Variants in EIF2D observed in about 807,000 individuals in gnomAD.
EIF2D encodes eukaryotic translation initiation factor 2D, also known as hepatocellular carcinoma-associated antigen 56.
Under a neutral mutation model 77.4 loss-of-function variants are expected in EIF2D, and 56 were observed. That is an observed-to-expected ratio of 0.72 (90% confidence interval 0.58 to 0.90). The LOEUF is 0.90. Ranked by LOEUF, EIF2D falls within the 40% of genes least tolerant of loss-of-function variation. The pLI, the probability that EIF2D is intolerant of heterozygous loss-of-function variation, is 0.00. For missense variants in EIF2D, 574 were observed against 706.5 expected, an observed-to-expected ratio of 0.81 and a Z score of 2.13; for synonymous variants, 230 against 271.0, an observed-to-expected ratio of 0.85 and a Z score of 1.49.
At chr1:206,587,627 C>G (rs1298785541), downstream of EIF2D, 1 of 154,708 alleles carries the variant, frequency 6.5e-6, no homozygotes, top group East Asian at 1.9e-4. Flanking sequence ...CTGGCCCTGG[C>G]TCTGGCCCTG....
chr1:206,586,623 A>G, intron 2 of EIF2D: 1 of 563,630 alleles, frequency 1.8e-6, no homozygotes, highest in South Asian at 2.3e-5. Context: ...TGGTCATGAG[A>G]TGCCAGCATT....
At chr1:206,581,622 CAGAGAGAGAGGGG>C (rs1668880216) in intron 2 of EIF2D, among the ~76,000 whole-genome samples, 1 of 147,040 alleles carries the variant, frequency 6.8e-6, no homozygotes, top group Admixed American at 6.8e-5. Flanking sequence ...GAGAGAGAGA[CAGAGAGAGAGGGG>C]GGAGAGAGAG....
chr1:206,603,436 C>T (rs1670030099), intron 5 of EIF2D: 1 of 506,608 alleles, frequency 2.0e-6, no homozygotes, highest in Non-Finnish European at 3.5e-6. Context: ...AATCTTGTCT[C>T]CTCCCTATCC....
At position 206,599,354 on chromosome 1, in the gene EIF2D, C is replaced by A. The variant is rs1288247741; in HGVS notation, c.1202+109G>T. The A allele has an allele frequency of 9.2e-6, 13 of 1,415,236 alleles. No homozygotes were observed. Among genetic ancestry groups the A allele is most frequent in the African/African-American group, 2.9e-5 (2 of 70,016 alleles). 87.7% of individuals were successfully genotyped at this position (1,415,236 alleles called of 1,614,324 possible). ...AGCTGGATTTTGGAGAAGGGGAGAACAGGGGCAGAGCAGGTTTTGCCAGTC... is the reference window on the plus strand; with the variant it reads ...AGCTGGATTTTGGAGAAGGGGAGAAAAGGGGCAGAGCAGGTTTTGCCAGTC... On this transcript the variant is annotated intron_variant, in intron 10 of 14. Transcript: ENST00000271764. The surrounding 1 kb of genome is among the most constrained non-coding windows in gnomAD (Gnocchi z 4.1).
At chr1:206,598,451 A>G (rs977709599) in intron 11 of EIF2D, among the ~76,000 whole-genome samples, 2 of 152,214 alleles carry the variant, frequency 1.3e-5, no homozygotes, top group African/African-American at 4.8e-5. Flanking sequence ...GATAGAAGAA[A>G]TAAGTTTAGT....
Position 206,599,556 on chromosome 1 carries a change from C to A in EIF2D, c.1109G>T (p.Gly370Val), listed in dbSNP as rs1320219494. The A allele has an allele frequency of 2.5e-6, 4 of 1,610,216 alleles. No individual in the cohort carries two copies. Among genetic ancestry groups the A allele is most frequent in the Non-Finnish European group, 2.5e-6 (3 of 1,178,240 alleles). The change falls in exon 10 of 15, where the codon GGT becomes GTT. Residue 370 changes from glycine (G) to valine (V), a missense_variant. Transcript: ENST00000271764. The surrounding 1 kb of genome is among the most constrained non-coding windows in gnomAD (Gnocchi z 4.1). The stretch of plus-strand genomic sequence containing the variant: ...AGGGTGATAGGGCTGTTCCCTGCTA[C>A]CCTCCTGGATAGTCTGGGAGGTCGG... ...PSPTSQTIQE[G>V]SREQPYHPPD...
rs782445417 is a variant in EIF2D, at chr1:206,612,298, C to T, written c.45G>A (p.Lys15=). Residue 15 remains lysine, a synonymous_variant, in exon 1 of 15, where the codon AAG becomes AAA. Transcript: ENST00000271764. ...AFRVKSNTAI[K]GSDRRKLRAD... is the part of the protein sequence containing the mutation. Reference sequence around the variant, plus strand: ...CTTTCCTCCCTCACCTGTCCGACCCCTTGATGGCCGTGTTGGACTTGACCC... The same window carrying T: ...CTTTCCTCCCTCACCTGTCCGACCCTTTGATGGCCGTGTTGGACTTGACCC... 51 of 1,614,138 alleles carry T rather than the reference C, an allele frequency of 3.2e-5. No homozygotes were observed. The highest frequency in any genetic ancestry group is 3.9e-5 in the Non-Finnish European group (46 of 1,180,044).
chr1:206,593,920 C>T (rs1307005706), intron 13 of EIF2D, 127 bp from the exon 14 acceptor site: 3 of 765,522 alleles, frequency 3.9e-6, no homozygotes, highest in African/African-American at 3.5e-5. Context: ...TCCTATAACC[C>T]TAGTACTTTT....
In EIF2D at chr1:206,585,268, A is replaced by G; in HGVS notation, c.139-4106T>C. The G allele has an allele frequency of 1.9e-6, 3 of 1,614,048 alleles. No individual in the cohort carries two copies. The South Asian group carries it at 3.3e-5, about 18-fold the overall frequency. ...ACACGGAGGTCCTCAGCTTTGTGCT[A>G]AAGGAGAATGAAACTGGAGAGGTAG... On this transcript the variant is annotated intron_variant and NMD_transcript_variant, in intron 2 of 5. Coordinates refer to the EIF2D transcript ENST00000472709.
chr1:206,586,882 G>A (rs1553407767), downstream of EIF2D: 13 of 1,614,016 alleles, frequency 8.1e-6, no homozygotes, highest in Admixed American at 2.2e-4. Context: ...TGGAAAAAGA[G>A]GAGCAGGACA....
chr1:206,586,619 T>G, intron 2 of EIF2D: 2 of 553,898 alleles, frequency 3.6e-6, no homozygotes, highest in Non-Finnish European at 3.2e-6. Context: ...CTCTTGGTCA[T>G]GAGATGCCAG....
intron 4 of EIF2D, among the ~76,000 whole-genome samples, chr1:206,606,824 A>T (rs1670223333): frequency 6.6e-6 from 1 of 152,246 alleles, no homozygotes; most frequent in African/African-American, 2.4e-5. Flanking sequence ...TCACTAGGAT[A>T]ACACAAATGA....
Position 206,599,921 on chromosome 1 carries a change from C to A in EIF2D, c.949-85G>T. The A allele has an allele frequency of 7.4e-7, 1 of 1,344,182 alleles. No individual in the cohort carries two copies. The highest frequency in any genetic ancestry group is 1.0e-6 in the Non-Finnish European group (1 of 953,220). 83.3% of individuals were successfully genotyped at this position (1,344,182 alleles called of 1,614,324 possible). Reference sequence around the variant, plus strand: ...CCAGGATGTGCCAGAGTGAGCTAGGCAGGGACTGTGCAGGGATATGAGACA... The same window carrying A: ...CCAGGATGTGCCAGAGTGAGCTAGGAAGGGACTGTGCAGGGATATGAGACA... On this transcript the variant is annotated intron_variant, in intron 8 of 14. Coordinates refer to ENST00000271764, the MANE Select transcript of EIF2D (RefSeq NM_006893.3). This position sits in a 1 kb window ranked among gnomAD's most constrained non-coding sequence, Gnocchi z 4.1.
intron 11 of EIF2D, among the ~76,000 whole-genome samples, chr1:206,598,636 C>CCA (rs1245363155): frequency 0.35 from 40,934 of 116,526 alleles, 5,643 homozygotes; most frequent in African/African-American, 0.44. Context: ...TAACAAAATA[C>CCA]CATGCACCCC....
chr1:206,573,213 C>A (rs1668512351), intron 4 of EIF2D, among the ~76,000 whole-genome samples: 1 of 152,202 alleles, frequency 6.6e-6, no homozygotes, highest in Non-Finnish European at 1.5e-5. Flanking sequence ...GTAATCCCAG[C>A]ACTTTTGGAG....
At chr1:206,610,976 T>C (rs1056688290) in intron 2 of EIF2D, among the ~76,000 whole-genome samples, 23 of 152,224 alleles carry the variant, frequency 1.5e-4, no homozygotes, top group African/African-American at 4.6e-4. Flanking sequence ...ATCCCTCCTA[T>C]AGTGGTTTTG....
At chr1:206,596,157 C>T (rs1350074171) in intron 12 of EIF2D, among the ~76,000 whole-genome samples, 2 of 152,206 alleles carry the variant, frequency 1.3e-5, no homozygotes, top group African/African-American at 4.8e-5. Context: ...GCCCAGTCTG[C>T]CCTGTGGAGG....
At position 206,602,430 on chromosome 1, in the gene EIF2D, G is replaced by T. The variant is rs781832835; in HGVS notation, c.808C>A (p.Gln270Lys). The T allele has an allele frequency of 6.2e-7, 1 of 1,614,074 alleles. No homozygotes were observed. The highest frequency in any genetic ancestry group is 8.5e-7 in the Non-Finnish European group (1 of 1,180,008). Residue 270 changes from glutamine to lysine, a missense_variant, in exon 7 of 15, where the codon CAA (glutamine) becomes AAA (lysine). Coordinates refer to ENST00000271764, the MANE Select transcript of EIF2D (RefSeq NM_006893.3). ...CACTTCAAGGCATGTAAGAAGCATTGCTGTAACAGCTCATCCATTTGTTCT... is the reference window on the plus strand; with the variant it reads ...CACTTCAAGGCATGTAAGAAGCATTTCTGTAACAGCTCATCCATTTGTTCT... ...LQEQMDELLQ[Q>K]CFLHALKCRV...
At chr1:206,611,114 AAACAG>A (rs1416672738) in intron 2 of EIF2D, 65 bp downstream of exon 2, 1 of 1,423,328 alleles carries the variant, frequency 7.0e-7, no homozygotes, top group Non-Finnish European at 9.6e-7. Flanking sequence ...ACAATGGAAG[AAACAG>A]AGAGAAGCAG....
Sources: allele counts gnomAD v4.1 joint callset (sites outside exome capture counted in the v4.1 genomes callset), GRCh38; gene constraint gnomAD v4.1.1; non-coding constraint Gnocchi (gnomAD v3.1); transcripts MANE v1.5; gene names NCBI Gene and HGNC (gene_info 2026-07-23, HGNC 2026-07-21).